SH3TC2: variants seen among roughly 807,000 people sequenced by gnomAD.
SH3TC2 encodes the protein SH3 domain and tetratricopeptide repeat-containing protein 2.
SH3TC2 carries 87 observed loss-of-function variants against 124.5 expected under a neutral mutation model. The ratio of observed to expected loss-of-function variants is 0.70; its 90% CI spans 0.59 to 0.84. The LOEUF is 0.84. Among genes scored for constraint, SH3TC2 ranks in the 40% least tolerant of loss-of-function variants. The pLI is 0.00. For missense variants in SH3TC2, 1,536 were observed against 1,566.4 expected (o/e 0.98, Z 0.33); for synonymous variants, 634 against 628.5 (o/e 1.01, Z -0.13).
chr5:149,033,768 G>A (rs886904429), intron 8 of SH3TC2, among the ~76,000 whole-genome samples: 9 of 152,180 alleles, frequency 5.9e-5, no homozygotes, highest in Non-Finnish European at 8.8e-5. Flanking sequence ...CCACTGGGAC[G>A]TGTGGGATCT....
chr5:148,991,208 A>G lies in SH3TC2; in HGVS notation c.*13503T>C, dbSNP rs1199018625. Among the ~76,000 whole-genome samples, 3 of 152,206 alleles carry G rather than the reference A, an allele frequency of 2.0e-5. No homozygotes were observed. The highest frequency in any genetic ancestry group is 4.4e-5 in the Non-Finnish European group (3 of 68,032). On this transcript the variant is annotated 3_prime_UTR_variant, in exon 17 of 17. Coordinates refer to ENST00000515425, the MANE Select transcript of SH3TC2 (RefSeq NM_024577.4). The stretch of plus-strand genomic sequence containing the variant: ...ATGTAGAGGACTTTTTCTTCTCTAT[A>G]CAAAAGCTTTTACCCATATACCACA...
rs1436516545 is a variant in SH3TC2 at position 148,984,842 on chromosome 5, C to T, written c.*19869G>A. Among the ~76,000 whole-genome samples, 1 of 152,178 alleles carries T rather than the reference C, an allele frequency of 6.6e-6. No individual in the cohort carries two copies. The highest frequency in any genetic ancestry group is 1.5e-5 in the Non-Finnish European group (1 of 68,036). On this transcript the variant is annotated 3_prime_UTR_variant, in exon 17 of 17. Transcript: ENST00000515425. ...CACCTTGAAGGTTATGTACTCCACT[C>T]ACTTCTTTGACCTCAAATAATTTGT...
In SH3TC2 at chr5:148,991,555, TC is replaced by T. The variant is rs1753419910; in HGVS notation, c.*13155del. 6.6e-6 allele frequency among the ~76,000 whole-genome samples: 1 copy of T among 152,176 alleles called. No individual in the cohort carries two copies. Among genetic ancestry groups the T allele is most frequent in the African/African-American group, 2.4e-5 (1 of 41,436 alleles). ...ATACAGTGGTTATATCTGAAGGGTT[TC>T]CCCCAGGAGCTCCAGTTCTTTTAGT... On this transcript the variant is annotated 3_prime_UTR_variant, in exon 17 of 17. Coordinates refer to ENST00000515425, the MANE Select transcript of SH3TC2 (RefSeq NM_024577.4).
At chr5:149,056,796 A>G (rs1034201386) in intron 1 of SH3TC2, among the ~76,000 whole-genome samples, 5 of 152,246 alleles carry the variant, frequency 3.3e-5, no homozygotes, top group Non-Finnish European at 5.9e-5. Flanking sequence ...TCTTTTACAC[A>G]TGGTGTTATA....
rs780165865 is a variant in SH3TC2 at position 149,052,213 on chromosome 5, G to C, written c.80C>G (p.Thr27Ser). ...PGKETPSKDP[T>S]VSSECIASSE... ...TGAGGCTATACACTCACTCGATACA[G>C]TTGGATCCTTGGAAGGAGTTTCTTT... The change falls in exon 2 of 17, where the codon ACT becomes AGT. Residue 27 changes from threonine (T) to serine (S), a missense_variant. By Grantham distance (58) the Thr-to-Ser change is moderately conservative. This residue lies in a region of SH3TC2 where 1,102 missense variants were observed against 1,098.6 expected (regional missense o/e 1.00). Coordinates refer to ENST00000515425, the MANE Select transcript of SH3TC2 (RefSeq NM_024577.4). 8.1e-6 allele frequency: 13 copies of C among 1,613,202 alleles called. No homozygotes were observed. Among genetic ancestry groups the C allele is most frequent in the Non-Finnish European group, 1.0e-5 (12 of 1,179,190 alleles).
rs1258887678 is a variant in SH3TC2, at chr5:148,987,914, T to A, written c.*16797A>T. On this transcript the variant is annotated 3_prime_UTR_variant, in exon 17 of 17. Coordinates refer to ENST00000515425, the MANE Select transcript of SH3TC2 (RefSeq NM_024577.4). ...CTCCACTCTGTGGCCCAGAGTAAGC[T>A]TACATAGTGAGTGCACCTAAAGGTG... Among the ~76,000 whole-genome samples, 1 of 151,042 alleles carries A rather than the reference T, an allele frequency of 6.6e-6. No individual in the cohort carries two copies. The highest frequency in any genetic ancestry group is 2.4e-5 in the African/African-American group (1 of 41,024).
At chr5:149,047,034 A>G (rs1459296262) in intron 3 of SH3TC2, 6 of 152,124 alleles carry the variant, frequency 3.9e-5, no homozygotes, top group East Asian at 3.9e-4. Flanking sequence ...TAACTAGAAC[A>G]TATTAGTTTA....
intron 16 of SH3TC2, 130 bp from the exon 17 acceptor site, chr5:149,005,032 A>G (rs1011087423): frequency 9.3e-7 from 1 of 1,080,934 alleles, no homozygotes; most frequent in Admixed American, 2.0e-5. Flanking sequence ...CCAACATCCA[A>G]TCCCCATCTC....
At chr5:149,018,499 G>A (rs1434887995) in intron 12 of SH3TC2, among the ~76,000 whole-genome samples, 1 of 152,188 alleles carries the variant, frequency 6.6e-6, no homozygotes, top group Non-Finnish European at 1.5e-5. Flanking sequence ...ATGGCAGAAG[G>A]CAAGAGAGAG....
At chr5:149,010,660 TAAGTA>T (rs770526542) in intron 13 of SH3TC2, among the ~76,000 whole-genome samples, 4 of 152,158 alleles carry the variant, frequency 2.6e-5, no homozygotes, top group Non-Finnish European at 4.4e-5. Flanking sequence ...TTTTACTAGT[TAAGTA>T]TTTATTTTAA....
chr5:149,041,567 C>T lies in SH3TC2; in HGVS notation c.580G>A (p.Glu194Lys), dbSNP rs975928785. The change falls in exon 6 of 17, where the codon GAA (glutamate) becomes AAA (lysine). Residue 194 changes from glutamate to lysine, a missense_variant. Coordinates refer to ENST00000515425, the MANE Select transcript of SH3TC2 (RefSeq NM_024577.4). Reference protein sequence around the residue: ...LCSVTPPAEKEGECLTLCKNE... With the variant: ...LCSVTPPAEKKGECLTLCKNE... ...TTGCAAAGTGTCAAGCATTCCCCTT[C>T]CTTCTCGGCTGGTGGAGTCACGGAG... 6.2e-7 allele frequency: 1 copy of T among 1,614,224 alleles called. No individual in the cohort carries two copies. The highest frequency in any genetic ancestry group is 1.7e-5 in the Admixed American group (1 of 60,022).
intron 12 of SH3TC2, among the ~76,000 whole-genome samples, chr5:149,021,882 T>TTCAAGAAATTGAAGAGGAAGGAA (rs1753977841): frequency 1.8e-5 from 1 of 55,300 alleles, no homozygotes; most frequent in African/African-American, 1.2e-4. Context: ...CACAAACTCT[T>TTCAAGAAATTGAAGAGGAAGGAA]TCTTTTTTTT....
chr5:148,990,914 T>C lies in SH3TC2; in HGVS notation c.*13797A>G, dbSNP rs1368514464. Among the ~76,000 whole-genome samples, 1 of 152,156 alleles carries C rather than the reference T, an allele frequency of 6.6e-6. No homozygotes were observed. Among genetic ancestry groups the C allele is most frequent in the East Asian group, 1.9e-4 (1 of 5,190 alleles). ...GTTCTGGGATAACCCATTTGACAGGTGAGAAAACTGAGACCCAGAGAGGTT... is the reference window on the plus strand; with the variant it reads ...GTTCTGGGATAACCCATTTGACAGGCGAGAAAACTGAGACCCAGAGAGGTT... On this transcript the variant is annotated 3_prime_UTR_variant, in exon 17 of 17. Coordinates refer to ENST00000515425, the MANE Select transcript of SH3TC2 (RefSeq NM_024577.4).
intron 12 of SH3TC2, among the ~76,000 whole-genome samples, chr5:149,015,082 T>C (rs563491902): frequency 6.6e-6 from 1 of 152,294 alleles, no homozygotes; most frequent in African/African-American, 2.4e-5. Flanking sequence ...TCCCTCTGAG[T>C]TCATTATGAC....
Position 148,992,709 on chromosome 5 carries a change from C to A in SH3TC2, c.*12002G>T, listed in dbSNP as rs564405892. Among the ~76,000 whole-genome samples the A allele has an allele frequency of 6.1e-5, 9 of 148,210 alleles. No individual in the cohort carries two copies. Among genetic ancestry groups the A allele is most frequent in the Non-Finnish European group, 1.3e-4 (9 of 67,376 alleles). On this transcript the variant is annotated 3_prime_UTR_variant, in exon 17 of 17. Transcript: ENST00000515425. Reference sequence around the variant, plus strand: ...ACCTCAGGTGGGAGATGGACTTGTCCCAGTATACACAAGGAGTGACAGAAC... The same window carrying A: ...ACCTCAGGTGGGAGATGGACTTGTCACAGTATACACAAGGAGTGACAGAAC...
chr5:149,030,780 A>C (rs1754177267), intron 9 of SH3TC2, among the ~76,000 whole-genome samples: 1 of 152,268 alleles, frequency 6.6e-6, no homozygotes, highest in Admixed American at 6.5e-5. Context: ...TAATCTGGCT[A>C]CACAAGAGCG....
intron 9 of SH3TC2, among the ~76,000 whole-genome samples, chr5:149,031,088 T>C (rs1754183866): frequency 6.6e-6 from 1 of 152,242 alleles, no homozygotes; most frequent in Non-Finnish European, 1.5e-5. Flanking sequence ...TTGCTCTGAC[T>C]AGCAGTTCTT....
At position 149,026,762 on chromosome 5, in the gene SH3TC2, A is replaced by T. The variant is rs1754070727; in HGVS notation, c.2873-10T>A. 1 of 1,614,206 alleles carries T rather than the reference A, an allele frequency of 6.2e-7. No individual in the cohort carries two copies. The highest frequency in any genetic ancestry group is 8.5e-7 in the Non-Finnish European group (1 of 1,180,040). Reference sequence around the variant, plus strand: ...GTGGCCTGAAGCTGACCTGAACACAAAGCAGGGACATGAATGAGATGACTT... The same window carrying T: ...GTGGCCTGAAGCTGACCTGAACACATAGCAGGGACATGAATGAGATGACTT... On this transcript the variant is annotated splice_polypyrimidine_tract_variant and intron_variant, in intron 11 of 16. Transcript: ENST00000515425.
At chr5:149,028,849 A>G (rs1754132141) in intron 9 of SH3TC2, 131 bp from the exon 10 acceptor site, 1 of 893,068 alleles carries the variant, frequency 1.1e-6, no homozygotes, top group Non-Finnish European at 1.9e-6. Flanking sequence ...TCATTAAGGA[A>G]CAGGGCAGAA....
Sources: gnomAD v4.1 joint callset for allele counts (sites outside exome capture counted in the v4.1 genomes callset) on GRCh38, gnomAD v4.1.1 for gene constraint, gnomAD v4.1.1 regional missense constraint, MANE v1.5 for transcripts, NCBI Gene and HGNC (gene_info 2026-07-23, HGNC 2026-07-21) for gene names.